Variants in SULT1A3 observed in about 807,000 individuals in gnomAD.
The protein encoded by SULT1A3 is sulfotransferase family 1A member 3.
For missense variants in SULT1A3, 11 were observed against 62.7 expected (o/e 0.18, Z 2.78); for synonymous variants, 4 against 29.3 (o/e 0.14, Z 2.79).
At chr16:30,201,352 A>AT in intron 4 of SULT1A3, 59 bp downstream of exon 4, 1 of 192,700 alleles carries the variant, frequency 5.2e-6, no homozygotes, top group South Asian at 1.0e-4. Context: ...AGGAGGGAGG[A>AT]TCCCTTGAAG....
In SULT1A3 at chr16:30,201,498, T is replaced by G. The variant is rs1275760095; in HGVS notation, c.372+205T>G. On this transcript the variant is annotated intron_variant, in intron 4 of 7. Coordinates refer to ENST00000338971, the MANE Select transcript of SULT1A3 (RefSeq NM_177552.4). Reference sequence around the variant, plus strand: ...AGGAGGCTCAGCGGGGAGGACTGTTTATGCAAATAGGAAGCTGCAATGAGC... The same window carrying G: ...AGGAGGCTCAGCGGGGAGGACTGTTGATGCAAATAGGAAGCTGCAATGAGC... 8.0e-5 allele frequency among the ~76,000 whole-genome samples: 12 copies of G among 149,548 alleles called. No homozygotes were observed. In the East Asian group the frequency reaches 2.4e-3, roughly 31 times the overall value.
chr16:30,204,193 G>A lies in SULT1A3; in HGVS notation c.*273G>A. 1 of 482,620 alleles carries A rather than the reference G, an allele frequency of 2.1e-6. No individual in the cohort carries two copies. Among genetic ancestry groups the A allele is most frequent in the South Asian group, 2.1e-5 (1 of 46,554 alleles). 29.9% of individuals were successfully genotyped at this position (482,620 alleles called of 1,614,324 possible). ...AGCTACTTGGGAAGCAGAGGCTGGA[G>A]GATCATTTCAGCCCAGGAGGTTGTG... On this transcript the variant is annotated 3_prime_UTR_variant, in exon 8 of 8. Transcript: ENST00000338971.
chr16:30,201,255 G>T lies in SULT1A3; in HGVS notation c.334G>T (p.Ala112Ser). The change falls in exon 4 of 8, where the codon GCT (alanine) becomes TCT (serine). Residue 112 changes from alanine to serine, a missense_variant. Physicochemically the swap from Ala to Ser is moderately conservative, Grantham distance 99. Transcript: ENST00000338971. Reference sequence around the variant, plus strand: ...GCTCATCAAGTCACACCTGCCCCTGGCTCTGCTCCCTCAGACTCTGTTGGA... The same window carrying T: ...GCTCATCAAGTCACACCTGCCCCTGTCTCTGCTCCCTCAGACTCTGTTGGA... Reference protein sequence around the residue: ...PRLIKSHLPLALLPQTLLDQK... With the variant: ...PRLIKSHLPLSLLPQTLLDQK... The T allele has an allele frequency of 2.3e-6, 1 of 434,994 alleles. No homozygotes were observed. The highest frequency in any genetic ancestry group is 4.0e-6 in the Non-Finnish European group (1 of 252,830). The allele number at this position is 434,994 out of a possible 1,614,324, so 26.9% of individuals were successfully genotyped here.
At chr16:30,201,726 C>G (rs1372848696) in intron 4 of SULT1A3, among the ~76,000 whole-genome samples, 1 of 127,706 alleles carries the variant, frequency 7.8e-6, no homozygotes, top group Non-Finnish European at 1.9e-5. Flanking sequence ...CAGAGTCTTG[C>G]TCTGTCACCC....
intron 4 of SULT1A3, 72 bp downstream of exon 4, chr16:30,201,365 G>C (rs915136488): frequency 6.8e-6 from 1 of 147,962 alleles, no homozygotes; most frequent in African/African-American, 2.7e-5. Context: ...CCTTGAAGGC[G>C]AGAGATGGAG....
chr16:30,202,185 C>T, intron 4 of SULT1A3: 1 of 8,312 alleles, frequency 1.2e-4, no homozygotes, highest in Non-Finnish European at 2.3e-4. Flanking sequence ...TGGGGTTTCA[C>T]CATGTTGGTC....
Position 30,201,208 on chromosome 16 carries a change from T to C in SULT1A3, c.287T>C (p.Leu96Pro). The C allele has an allele frequency of 2.6e-6, 1 of 382,918 alleles. No individual in the cohort carries two copies. The highest frequency in any genetic ancestry group is 4.4e-6 in the Non-Finnish European group (1 of 226,280). 23.7% of individuals were successfully genotyped at this position (382,918 alleles called of 1,614,324 possible). Residue 96 changes from leucine (L) to proline (P), a missense_variant, in exon 4 of 8, where the codon CTG becomes CCG. Physicochemically the swap from Leu to Pro is moderately conservative, Grantham distance 98. Transcript: ENST00000338971. Reference protein sequence around the residue: ...DPGEPSGLETLKDTPPPRLIK... With the variant: ...DPGEPSGLETPKDTPPPRLIK... ...ACCCACTACTCAGGGCTGGAGACTC[T>C]GAAAGACACACCGCCCCCACGGCTC...
chr16:30,201,554 G>A (rs2073443391), intron 4 of SULT1A3, among the ~76,000 whole-genome samples: 1 of 152,058 alleles, frequency 6.6e-6, no homozygotes, highest in South Asian at 2.1e-4. Context: ...ACTCCAGCCT[G>A]GGCAACACAG....
intron 4 of SULT1A3, among the ~76,000 whole-genome samples, chr16:30,201,688 C>CTCA (rs1193675420): frequency 1.4e-5 from 2 of 143,070 alleles, no homozygotes; most frequent in Admixed American, 1.4e-4. Flanking sequence ...TTCTGCCAGG[C>CTCA]TCATCACATC....
chr16:30,201,555 G>A (rs1447257186), intron 4 of SULT1A3, among the ~76,000 whole-genome samples: 1 of 152,072 alleles, frequency 6.6e-6, no homozygotes, highest in Admixed American at 6.5e-5. Flanking sequence ...CTCCAGCCTG[G>A]GCAACACAGC....
In SULT1A3 at chr16:30,200,806, G is replaced by C. The variant is rs1267110457; in HGVS notation, c.78G>C (p.Glu26Asp). ...KGVPLIKYFA[E>D]ALGPLQSFQA... ...TCCCGCTCATCAAGTACTTTGCAGA[G>C]GCACTGGGGCCCCTGCAGAGCTTCC... Residue 26 changes from glutamate (E) to aspartate (D), a missense_variant, in exon 2 of 8, where the codon GAG (glutamate) becomes GAC (aspartate). Transcript: ENST00000338971. 2 of 1,119,224 alleles carry C rather than the reference G, an allele frequency of 1.8e-6. No homozygotes were observed. Among genetic ancestry groups the C allele is most frequent in the African/African-American group, 4.8e-5 (1 of 20,846 alleles). The allele number at this position is 1,119,224 out of a possible 1,614,324, so 69.3% of individuals were successfully genotyped here.
At chr16:30,201,479 C>T (rs1329747767) in intron 4 of SULT1A3, among the ~76,000 whole-genome samples, 186 bp downstream of exon 4, 418 of 146,286 alleles carry the variant, frequency 2.9e-3, no homozygotes, top group Non-Finnish European at 4.8e-3. Flanking sequence ...ACTTAGGAGG[C>T]TCAGCGGGGA....
At chr16:30,201,827 G>A (rs2073446137) in intron 4 of SULT1A3, among the ~76,000 whole-genome samples, 1 of 131,558 alleles carries the variant, frequency 7.6e-6, no homozygotes, top group African/African-American at 2.7e-5. Flanking sequence ...CTGAGTAGCT[G>A]GGATTACAGG....
intron 4 of SULT1A3, among the ~76,000 whole-genome samples, chr16:30,201,802 T>C (rs2073445891): frequency 7.5e-6 from 1 of 133,028 alleles, no homozygotes; most frequent in Non-Finnish European, 1.7e-5. Flanking sequence ...CAAGTGATTC[T>C]CCTGCCTCAG....
intron 1 of SULT1A3, among the ~76,000 whole-genome samples, chr16:30,200,224 G>C (rs1320933368): frequency 1.1e-3 from 2 of 1,818 alleles, no homozygotes; most frequent in Non-Finnish European, 1.4e-3. Flanking sequence ...ACTGAAAGGT[G>C]CGGCCAGGCT....
At chr16:30,201,510 A>C (rs2073443099) in intron 4 of SULT1A3, among the ~76,000 whole-genome samples, 1 of 150,768 alleles carries the variant, frequency 6.6e-6, no homozygotes, top group Admixed American at 6.6e-5. Context: ...TGCAAATAGG[A>C]AGCTGCAATG....
Position 30,203,873 on chromosome 16 carries a change from GC to G in SULT1A3, c.842del (p.Ala281GlyfsTer38). On this transcript the variant is annotated frameshift_variant, in exon 8 of 8. Coordinates refer to ENST00000338971, the MANE Select transcript of SULT1A3 (RefSeq NM_177552.4). LOFTEE classifies it high-confidence loss of function. ...AQNERFDADY[A>X]EKMAGCSLSF... ...GAATGAGCGCTTCGATGCGGACTAT[GC>G]GGAGAAGATGGCAGGCTGCAGCCTC... 3.3e-6 allele frequency: 1 copy of G among 304,758 alleles called. No homozygotes were observed. The highest frequency in any genetic ancestry group is 5.8e-6 in the Non-Finnish European group (1 of 172,748). The allele number at this position is 304,758 out of a possible 1,614,324, so 18.9% of individuals were successfully genotyped here. A position where few individuals can be genotyped will look rare whatever the true frequency, so the allele number is the denominator to read the frequency against.
chr16:30,201,696 A>G (rs1307926116), intron 4 of SULT1A3, among the ~76,000 whole-genome samples: 2 of 132,102 alleles, frequency 1.5e-5, no homozygotes, highest in African/African-American at 5.3e-5. Context: ...GGCTCATCAC[A>G]TCTTTTTTTT....
intron 4 of SULT1A3, among the ~76,000 whole-genome samples, chr16:30,201,595 C>T (rs546967167): frequency 6.6e-6 from 1 of 152,244 alleles, no homozygotes; most frequent in East Asian, 1.9e-4. Context: ...AAAAAGTTCC[C>T]ACTGACTGGC....
Sources: gnomAD v4.1 joint callset for allele counts (sites outside exome capture counted in the v4.1 genomes callset) on GRCh38, gnomAD v4.1.1 for gene constraint, MANE v1.5 for transcripts, NCBI Gene and HGNC (gene_info 2026-07-23, HGNC 2026-07-21) for gene names.